Variants in MTTP observed in about 807,000 individuals in gnomAD.
The protein encoded by MTTP is microsomal triglyceride transfer protein large subunit.
In MTTP, 49 loss-of-function variants were observed where a neutral mutation model predicts 90.6. That is an observed-to-expected ratio of 0.54 (90% CI 0.43 to 0.69). The LOEUF (loss-of-function observed/expected upper bound fraction) is 0.69. Among genes scored for constraint, MTTP ranks in the 30% least tolerant of loss-of-function variants. The pLI, the probability that MTTP is intolerant of heterozygous loss-of-function variation, is 0.00. For synonymous variants in MTTP, 347 were observed against 384.2 expected, an observed-to-expected ratio of 0.90 and a Z score of 1.13; for missense variants, 945 against 1,067.5, an observed-to-expected ratio of 0.89 and a Z score of 1.60.
At chr4:99,622,157 A>G (rs528628909) in intron 17 of MTTP, among the ~76,000 whole-genome samples, 15 of 152,338 alleles carry the variant, frequency 9.8e-5, no homozygotes, top group African/African-American at 3.6e-4. Context: ...TATATCTAGA[A>G]TGAACCTCCA....
At chr4:99,575,086 A>T in intron 1 of MTTP, 116 bp downstream of exon 1, 1 of 1,207,782 alleles carries the variant, frequency 8.3e-7, no homozygotes, top group South Asian at 1.2e-5. Context: ...TGACTAAACT[A>T]TCTTCAAAAC....
chr4:99,615,688 T>C (rs998853252), intron 15 of MTTP, among the ~76,000 whole-genome samples: 4 of 152,248 alleles, frequency 2.6e-5, no homozygotes, highest in African/African-American at 9.6e-5. Flanking sequence ...GGAATTACTC[T>C]GTGCTTGCTC....
chr4:99,565,071 A>T (rs1179474156), intron 1 of MTTP, among the ~76,000 whole-genome samples: 1 of 152,202 alleles, frequency 6.6e-6, no homozygotes, highest in African/African-American at 2.4e-5. Flanking sequence ...TTAGTAGGGC[A>T]TCTTTTTTCA....
chr4:99,596,479 G>A (rs756831003), intron 7 of MTTP, among the ~76,000 whole-genome samples: 7 of 152,050 alleles, frequency 4.6e-5, no homozygotes, highest in Non-Finnish European at 1.0e-4. Flanking sequence ...GTGTGTGTGA[G>A]AATTACCTTT....
At position 99,594,731 on chromosome 4, in the gene MTTP, A is replaced by C; in HGVS notation, c.759-2A>C. The C allele has an allele frequency of 6.2e-7, 1 of 1,613,910 alleles. No homozygotes were observed. Among genetic ancestry groups the C allele is most frequent in the Non-Finnish European group, 8.5e-7 (1 of 1,179,816 alleles). On this transcript the variant is annotated splice_acceptor_variant, in intron 6 of 17. Coordinates refer to ENST00000265517, the MANE Select transcript of MTTP (RefSeq NM_001386140.1). LOFTEE classifies it high-confidence loss of function. ...ATAGCATTTCCCTTTGGTATTATGC[A>C]GGCAGAAATTAGAGCTGAAGACAAC...
At chr4:99,587,470 T>A (rs1231735271) in intron 3 of MTTP, among the ~76,000 whole-genome samples, 2 of 152,142 alleles carry the variant, frequency 1.3e-5, no homozygotes, top group African/African-American at 2.4e-5. Flanking sequence ...GAGGTCAAGA[T>A]CAAAACTTGA....
At position 99,611,192 on chromosome 4, in the gene MTTP, CG is replaced by C; in HGVS notation, c.1820del (p.Arg607LeufsTer15). The C allele has an allele frequency of 6.2e-7, 1 of 1,613,936 alleles. No homozygotes were observed. The highest frequency in any genetic ancestry group is 8.5e-7 in the Non-Finnish European group (1 of 1,179,970). On this transcript the variant is annotated frameshift_variant, in exon 13 of 18. Coordinates refer to ENST00000265517, the MANE Select transcript of MTTP (RefSeq NM_001386140.1). LOFTEE classifies it high-confidence loss of function. ...LKEMVAHNYD[R>X]FSRSGSSSAY... ...GGAAATGGTCGCTCACAATTATGAC[CG>C]TTTCTCCAGGAGTGGATCTTCTTCT... is the stretch of plus-strand genomic sequence containing the variant.
At chr4:99,609,163 A>G (rs1464330375) in intron 12 of MTTP, among the ~76,000 whole-genome samples, 186 bp downstream of exon 12, 1 of 152,204 alleles carries the variant, frequency 6.6e-6, no homozygotes, top group African/African-American at 2.4e-5. Flanking sequence ...CTTTGGCACT[A>G]TGAGTCCATG....
In MTTP at chr4:99,612,899, T is replaced by C; in HGVS notation, c.1990-14T>C. 6.2e-6 allele frequency: 10 copies of C among 1,609,126 alleles called. No homozygotes were observed. Among genetic ancestry groups the C allele is most frequent in the Non-Finnish European group, 6.8e-6 (8 of 1,175,618 alleles). On this transcript the variant is annotated splice_polypyrimidine_tract_variant and intron_variant, in intron 14 of 17. Transcript: ENST00000265517. Reference sequence around the variant, plus strand: ...GGGAGCTTGCGTCATGAACATTATATTGATTTTATCCAGGTGGTTATTGAA... The same window carrying C: ...GGGAGCTTGCGTCATGAACATTATACTGATTTTATCCAGGTGGTTATTGAA...
chr4:99,608,375 G>A (rs566908210), intron 11 of MTTP, among the ~76,000 whole-genome samples: 1 of 152,310 alleles, frequency 6.6e-6, no homozygotes, highest in African/African-American at 2.4e-5. Flanking sequence ...AACCTGGGAA[G>A]CGGAGGTTGC....
chr4:99,608,067 G>T (rs1056263947), intron 11 of MTTP, among the ~76,000 whole-genome samples: 36 of 152,118 alleles, frequency 2.4e-4, no homozygotes, highest in Non-Finnish European at 5.0e-4. Context: ...ATGCCATGTA[G>T]TATCCTTAAA....
chr4:99,564,168 G>T, exon 1 of MTTP: 1 of 1,535,576 alleles, frequency 6.5e-7, no homozygotes, highest in Non-Finnish European at 8.7e-7. Flanking sequence ...GGTAGTTACA[G>T]TGATGTCTGT....
rs760333885 is a variant in MTTP at position 99,591,635 on chromosome 4, C to T, written c.619-16C>T. The T allele has an allele frequency of 1.2e-6, 2 of 1,607,004 alleles. No individual in the cohort carries two copies. Among genetic ancestry groups the T allele is most frequent in the East Asian group, 4.5e-5 (2 of 44,772 alleles). Reference sequence around the variant, plus strand: ...CGATGATTACTTGTTATAAAGATGGCTATTTATTTATTTAGGTCTTGGGTG... The same window carrying T: ...CGATGATTACTTGTTATAAAGATGGTTATTTATTTATTTAGGTCTTGGGTG... On this transcript the variant is annotated splice_polypyrimidine_tract_variant and intron_variant, in intron 5 of 17. Coordinates refer to ENST00000265517, the MANE Select transcript of MTTP (RefSeq NM_001386140.1).
At chr4:99,592,302 A>G (rs1357866737) in intron 6 of MTTP, among the ~76,000 whole-genome samples, 1 of 152,188 alleles carries the variant, frequency 6.6e-6, no homozygotes, top group Non-Finnish European at 1.5e-5. Flanking sequence ...AGACTTTATA[A>G]ACACTGTACA....
At chr4:99,600,219 T>C (rs1470045640) in intron 8 of MTTP, among the ~76,000 whole-genome samples, 1 of 152,198 alleles carries the variant, frequency 6.6e-6, no homozygotes, top group Non-Finnish European at 1.5e-5. Context: ...CTTTTATGTA[T>C]TACTCATATA....
chr4:99,565,378 T>C (rs1724653977), intron 1 of MTTP, among the ~76,000 whole-genome samples: 1 of 150,320 alleles, frequency 6.7e-6, no homozygotes, highest in East Asian at 1.9e-4. Flanking sequence ...TTGTAGTCAT[T>C]TGGTGCAAAA....
chr4:99,610,577 C>T (rs1166454879), intron 12 of MTTP, among the ~76,000 whole-genome samples: 1 of 152,152 alleles, frequency 6.6e-6, no homozygotes, highest in Admixed American at 6.5e-5. Flanking sequence ...ACACTAATTA[C>T]TTAGACAAGA....
In MTTP at chr4:99,608,980, A is replaced by G. The variant is rs375993709; in HGVS notation, c.1769+3A>G. The G allele has an allele frequency of 8.6e-5, 139 of 1,611,374 alleles. No individual in the cohort carries two copies. Among genetic ancestry groups the G allele is most frequent in the Non-Finnish European group, 1.2e-4 (137 of 1,177,608 alleles). On this transcript the variant is annotated splice_donor_region_variant and intron_variant, in intron 12 of 17. Coordinates refer to ENST00000265517, the MANE Select transcript of MTTP (RefSeq NM_001386140.1). ...CTACGTTTTGAAATGCCTGCAAGGT[A>G]TAATACATTGCACATGTCTCTCTGT...
At position 99,613,151 on chromosome 4, in the gene MTTP, C is replaced by T; in HGVS notation, c.2217+11C>T. On this transcript the variant is annotated intron_variant, in intron 15 of 17. Coordinates refer to ENST00000265517, the MANE Select transcript of MTTP (RefSeq NM_001386140.1). ...ATAGATCATTCTCAGGTAATTCATT[C>T]AGTCTGTGAGTATTTATTGAGTCCC... is the stretch of plus-strand genomic sequence containing the variant. 6.2e-7 allele frequency: 1 copy of T among 1,603,708 alleles called. No homozygotes were observed. The highest frequency in any genetic ancestry group is 2.2e-5 in the East Asian group (1 of 44,738).
Sources: allele counts gnomAD v4.1 joint callset (sites outside exome capture counted in the v4.1 genomes callset), GRCh38; gene constraint gnomAD v4.1.1; transcripts MANE v1.5; gene names NCBI Gene and HGNC (gene_info 2026-07-23, HGNC 2026-07-21).